FGFR2: variants seen among roughly 807,000 people sequenced by gnomAD.
FGFR2 encodes the protein BEK fibroblast growth factor receptor.
A neutral mutation model predicts 95.9 loss-of-function variants in FGFR2; 19 were observed. The observed-to-expected ratio is 0.20, with a 90% CI of 0.14 to 0.29. The LOEUF is 0.29. Ranked by LOEUF, FGFR2 falls within the 10% of genes least tolerant of loss-of-function variation. The pLI is 1.00. For missense variants in FGFR2, 707 were observed against 1,056.9 expected (o/e 0.67, Z 4.59); for synonymous variants, 392 against 393.3 (o/e 1.00, Z 0.04).
intron 2 of FGFR2, 58 bp downstream of exon 2, chr10:121,593,638 AAACAGGCCTTAAC>A: frequency 1.5e-6 from 2 of 1,355,484 alleles, no homozygotes; most frequent in Non-Finnish European, 2.1e-6. Flanking sequence ...GCTGATTCTA[AAACAGGCCTTAAC>A]AATCTGCCCC....
intron 5 of FGFR2, among the ~76,000 whole-genome samples, chr10:121,548,963 A>G (rs1285672943): frequency 6.6e-6 from 1 of 152,150 alleles, no homozygotes; most frequent in Non-Finnish European, 1.5e-5. Flanking sequence ...TGAACTAAGA[A>G]CAGAAGGACA....
chr10:121,526,038 G>C, intron 6 of FGFR2: 1 of 395,956 alleles, frequency 2.5e-6, no homozygotes. Context: ...GAATCACACG[G>C]AGTTCCCAGT....
intron 14 of FGFR2, 91 bp downstream of exon 14, chr10:121,487,900 C>T (rs2133831367): frequency 6.5e-7 from 1 of 1,536,752 alleles, no homozygotes; most frequent in Non-Finnish European, 9.0e-7. Context: ...CCAGCCATCC[C>T]ACCCAGCTCT....
Position 121,577,178 on chromosome 10 carries a change from T to TATAGAGAGAG in FGFR2, c.110-11475_110-11474insCTCTCTCTAT. Among the ~76,000 whole-genome samples the TATAGAGAGAG allele has an allele frequency of 6.9e-3, 36 of 5,216 alleles. 2 individuals carry two copies. Among genetic ancestry groups the TATAGAGAGAG allele is most frequent in the African/African-American group, 0.018 (23 of 1,286 alleles). The allele number at this position is 5,216 out of a possible 152,430, so 3.4% of individuals were successfully genotyped here. A position where few individuals can be genotyped will look rare whatever the true frequency, so the allele number is the denominator to read the frequency against. ...AAAAAAATATATATATATATATATA[T>TATAGAGAGAG]AGAGAGAGAGAGAGAGAGAGAGAGA... On this transcript the variant is annotated intron_variant, in intron 2 of 17. Transcript: ENST00000358487.
intron 9 of FGFR2, among the ~76,000 whole-genome samples, chr10:121,505,887 C>G (rs1848202951): frequency 6.6e-6 from 1 of 152,142 alleles, no homozygotes; most frequent in African/African-American, 2.4e-5. Flanking sequence ...ATCTTTCTGT[C>G]CTCCTAATTC....
Position 121,529,220 on chromosome 10 carries a change from T to C in FGFR2, c.749-9051A>G, listed in dbSNP as rs562387049. Among the ~76,000 whole-genome samples the C allele has an allele frequency of 1.0e-3, 159 of 152,332 alleles. 3 individuals are homozygous for C. In the South Asian group the frequency reaches 0.023, roughly 22 times the overall value. The stretch of plus-strand genomic sequence containing the variant: ...GCCTCCCACGTTCAAGTGATTCTCC[T>C]GCCTCAGCCTCCCGAGTAGCTGGGA... On this transcript the variant is annotated intron_variant, in intron 6 of 17. Coordinates refer to ENST00000358487, the MANE Select transcript of FGFR2 (RefSeq NM_000141.5).
intron 13 of FGFR2, among the ~76,000 whole-genome samples, chr10:121,495,691 A>AC (rs1265870271): frequency 6.6e-6 from 1 of 151,842 alleles, no homozygotes; most frequent in African/African-American, 2.4e-5. Flanking sequence ...GGCAACCCAG[A>AC]CCCCCAGTGA....
In FGFR2 at chr10:121,562,196, T is replaced by C. The variant is rs189847899; in HGVS notation, c.454+2306A>G. ...ACTCCTTAACATTTACCCAAAGTAA[T>C]TGAAAACTATGTCCCCACAAAAACC... On this transcript the variant is annotated intron_variant, in intron 4 of 17. Transcript: ENST00000358487. Among the ~76,000 whole-genome samples, 342 of 152,254 alleles carry C rather than the reference T, an allele frequency of 2.2e-3. 8 individuals are homozygous for C. Among genetic ancestry groups the C allele is most frequent in the Admixed American group, 0.021 (315 of 15,292 alleles).
chr10:121,532,873 G>A (rs1334150674), intron 6 of FGFR2, among the ~76,000 whole-genome samples: 1 of 152,198 alleles, frequency 6.6e-6, no homozygotes, highest in African/African-American at 2.4e-5. Flanking sequence ...TTCAGGCTGT[G>A]TCCTATCATG....
intron 6 of FGFR2, among the ~76,000 whole-genome samples, chr10:121,525,116 A>C (rs1259142495): frequency 6.6e-6 from 1 of 152,230 alleles, no homozygotes; most frequent in African/African-American, 2.4e-5. Flanking sequence ...AAACACATGG[A>C]AAATAGGCTG....
At position 121,479,653 on chromosome 10, in the gene FGFR2, A is replaced by G. The variant is rs1490483322; in HGVS notation, c.*204T>C. ...GTGGCTTGTGGCAGTCCACTGCTCC[A>G]GAAACCTTCTTCTCCTCCTGGGGAA... On this transcript the variant is annotated 3_prime_UTR_variant, in exon 18 of 18. Transcript: ENST00000358487. 1 of 1,552,126 alleles carries G rather than the reference A, an allele frequency of 6.4e-7. No individual in the cohort carries two copies. The highest frequency in any genetic ancestry group is 1.2e-5 in the South Asian group (1 of 84,154).
chr10:121,519,809 A>G (rs1331671403), intron 7 of FGFR2, among the ~76,000 whole-genome samples, 170 bp downstream of exon 7: 1 of 152,194 alleles, frequency 6.6e-6, no homozygotes, highest in African/African-American at 2.4e-5. Context: ...TCCCTTCTGA[A>G]ATTCTACTAG....
intron 3 of FGFR2, 23 bp downstream of exon 3, chr10:121,565,415 A>G: frequency 1.2e-6 from 2 of 1,613,804 alleles, no homozygotes; most frequent in Non-Finnish European, 1.7e-6. Flanking sequence ...AAGAGAGAGC[A>G]TAGTGCTGGC....
intron 2 of FGFR2, among the ~76,000 whole-genome samples, chr10:121,576,224 C>T (rs895488366): frequency 5.9e-5 from 9 of 152,124 alleles, no homozygotes; most frequent in African/African-American, 1.9e-4. Context: ...GTCTTTTGTT[C>T]AGAAAGCATT....
At chr10:121,539,808 T>G in intron 5 of FGFR2, among the ~76,000 whole-genome samples, 1 of 152,240 alleles carries the variant, frequency 6.6e-6, no homozygotes, top group East Asian at 1.9e-4. Flanking sequence ...AGGCAGAGCA[T>G]CTGCAAGCAC....
At chr10:121,589,300 AAGACTAGT>A (rs1862280101) in intron 2 of FGFR2, among the ~76,000 whole-genome samples, 1 of 152,254 alleles carries the variant, frequency 6.6e-6, no homozygotes, top group Admixed American at 6.5e-5. Context: ...TGCAAACTGG[AAGACTAGT>A]GGATACATTT....
chr10:121,522,759 C>T (rs938622921), intron 6 of FGFR2, among the ~76,000 whole-genome samples: 3 of 152,172 alleles, frequency 2.0e-5, no homozygotes, highest in African/African-American at 2.4e-5. Context: ...TACATGAATA[C>T]AACTCCATCC....
At chr10:121,511,957 G>A (rs78864482) in intron 9 of FGFR2, among the ~76,000 whole-genome samples, 8,775 of 152,210 alleles carry the variant, frequency 0.058, 624 homozygotes, top group African/African-American at 0.15. Context: ...CAGGAGGAAC[G>A]AAAACCCAAC....
At chr10:121,591,395 C>A (rs1010408526) in intron 2 of FGFR2, among the ~76,000 whole-genome samples, 4 of 152,252 alleles carry the variant, frequency 2.6e-5, no homozygotes, top group Admixed American at 2.0e-4. Context: ...GCGACAACGG[C>A]GACAAGGCCA....
Sources: gnomAD v4.1 joint callset for allele counts (sites outside exome capture counted in the v4.1 genomes callset) on GRCh38, gnomAD v4.1.1 for gene constraint, MANE v1.5 for transcripts, NCBI Gene and HGNC (gene_info 2026-07-23, HGNC 2026-07-21) for gene names.